The following AK8 variants were observed in gnomAD, a reference collection of about 807,000 sequenced individuals.
AK8 encodes the protein ATP-AMP transphosphorylase 8.
AK8 carries 44 observed loss-of-function variants against 54.6 expected under a neutral mutation model. That is an observed-to-expected ratio of 0.81 (90% confidence interval 0.63 to 1.04). The LOEUF (loss-of-function observed/expected upper bound fraction) is 1.04, where lower values mean the gene tolerates loss of function less well. Ranked by LOEUF, AK8 falls within the 50% of genes least tolerant of loss-of-function variation. AK8 has a pLI of 0.00. For synonymous variants in AK8, 239 were observed against 245.6 expected (o/e 0.97, Z 0.25); for missense variants, 555 against 613.6 (o/e 0.90, Z 1.01).
intron 11 of AK8, among the ~76,000 whole-genome samples, chr9:132,771,776 C>T (rs1365377079): frequency 2.6e-5 from 4 of 151,942 alleles, no homozygotes; most frequent in Non-Finnish European, 4.4e-5. Context: ...TAGGACGGAG[C>T]TTCCTTTCAG....
intron 5 of AK8, among the ~76,000 whole-genome samples, chr9:132,829,531 T>C (rs768567670): frequency 3.4e-4 from 52 of 151,934 alleles, no homozygotes; most frequent in Non-Finnish European, 5.3e-4. Context: ...GAGACCAGGG[T>C]GAAAACAAAA....
At chr9:132,802,350 C>G (rs1316501134) in intron 10 of AK8, among the ~76,000 whole-genome samples, 2 of 152,222 alleles carry the variant, frequency 1.3e-5, no homozygotes, top group Non-Finnish European at 2.9e-5. Context: ...TCAATCCCCT[C>G]CCTGGAACCT....
chr9:132,814,423 C>T (rs423219), intron 10 of AK8, among the ~76,000 whole-genome samples: 1 of 151,842 alleles, frequency 6.6e-6, no homozygotes, highest in Non-Finnish European at 1.5e-5. Flanking sequence ...ATAACCCCCC[C>T]ACATCCACAA....
At position 132,750,243 on chromosome 9, in the gene AK8, C is replaced by G. The variant is rs554538855; in HGVS notation, c.1122-22709G>C. Among the ~76,000 whole-genome samples the G allele has an allele frequency of 2.0e-5, 3 of 151,934 alleles. No homozygotes were observed. In the South Asian group the frequency reaches 6.2e-4, roughly 32 times the overall value. On this transcript the variant is annotated intron_variant, in intron 11 of 12. Coordinates refer to ENST00000298545, the MANE Select transcript of AK8 (RefSeq NM_152572.3). ...AAGCGATTCTCCTGCCTCAGCCTCCCGAGTAGCTGGGATTACAGGCATGTG... is the reference window on the plus strand; with the variant it reads ...AAGCGATTCTCCTGCCTCAGCCTCCGGAGTAGCTGGGATTACAGGCATGTG...
chr9:132,782,257 T>C (rs944841637), intron 11 of AK8, among the ~76,000 whole-genome samples: 9 of 152,294 alleles, frequency 5.9e-5, no homozygotes, highest in East Asian at 1.9e-4. Context: ...ACAGTCATTT[T>C]TCCCCCCAGG....
At chr9:132,821,339 T>C (rs1014503671) in intron 9 of AK8, among the ~76,000 whole-genome samples, 3 of 152,114 alleles carry the variant, frequency 2.0e-5, no homozygotes, top group East Asian at 1.9e-4. Flanking sequence ...CCGCCACAGG[T>C]AGACTGCTGG....
At chr9:132,774,423 GGAA>G (rs1266563919) in intron 11 of AK8, among the ~76,000 whole-genome samples, 1 of 152,242 alleles carries the variant, frequency 6.6e-6, no homozygotes, top group South Asian at 2.1e-4. Flanking sequence ...GTGATATTTA[GGAA>G]GAAGAGCTTC....
At chr9:132,744,417 C>CAA (rs35007270) in intron 11 of AK8, among the ~76,000 whole-genome samples, 39 of 117,952 alleles carry the variant, frequency 3.3e-4, no homozygotes, top group African/African-American at 1.1e-3. Context: ...AGACACGTGC[C>CAA]AAAAAAAAAA....
intron 11 of AK8, among the ~76,000 whole-genome samples, chr9:132,730,248 G>C (rs1337984154): frequency 2.0e-5 from 3 of 152,128 alleles, no homozygotes; most frequent in Admixed American, 2.0e-4. Context: ...AAGAGGCCGC[G>C]CTTTGGTAGG....
intron 5 of AK8, among the ~76,000 whole-genome samples, chr9:132,844,535 T>C (rs1842673601): frequency 6.6e-6 from 1 of 152,218 alleles, no homozygotes; most frequent in Non-Finnish European, 1.5e-5. Flanking sequence ...TTATTTTGGA[T>C]GAGGGTTTGT....
chr9:132,842,219 C>A (rs534049881), intron 5 of AK8, among the ~76,000 whole-genome samples: 1 of 152,152 alleles, frequency 6.6e-6, no homozygotes, highest in Non-Finnish European at 1.5e-5. Flanking sequence ...ATTTTAAACA[C>A]CTTTGCCTCC....
intron 10 of AK8, among the ~76,000 whole-genome samples, chr9:132,811,227 G>A (rs71503158): frequency 0.011 from 1,709 of 152,338 alleles, 9 homozygotes; most frequent in Non-Finnish European, 0.016. Context: ...CTGTGAATAT[G>A]TTCCCTGATA....
chr9:132,865,457 A>C (rs1189553360), intron 3 of AK8, among the ~76,000 whole-genome samples: 1 of 152,252 alleles, frequency 6.6e-6, no homozygotes, highest in Non-Finnish European at 1.5e-5. Flanking sequence ...ATGTTCACCA[A>C]TCAGGCTTTT....
At chr9:132,834,400 T>C (rs369437692) in intron 5 of AK8, among the ~76,000 whole-genome samples, 52 of 152,308 alleles carry the variant, frequency 3.4e-4, no homozygotes, top group African/African-American at 1.2e-3. Flanking sequence ...CACAGAACCC[T>C]AGGATGCCGT....
chr9:132,732,200 T>C (rs1284364129), intron 11 of AK8, among the ~76,000 whole-genome samples: 3 of 152,194 alleles, frequency 2.0e-5, no homozygotes, highest in Non-Finnish European at 2.9e-5. Context: ...ATTTAAATAA[T>C]TAAACAATGT....
intron 5 of AK8, among the ~76,000 whole-genome samples, chr9:132,834,268 T>C (rs1842228231): frequency 6.6e-6 from 1 of 152,216 alleles, no homozygotes; most frequent in African/African-American, 2.4e-5. Flanking sequence ...GACAGTGATA[T>C]GTTCTAAAGC....
chr9:132,804,012 A>G (rs554328162), intron 10 of AK8, among the ~76,000 whole-genome samples: 1 of 150,844 alleles, frequency 6.6e-6, no homozygotes, highest in South Asian at 2.1e-4. Flanking sequence ...AGGTTGAGGC[A>G]GGAGAATCGC....
chr9:132,799,168 G>A lies in AK8; in HGVS notation c.980-6393C>T, dbSNP rs1305744480. On this transcript the variant is annotated intron_variant, in intron 10 of 12. Coordinates refer to ENST00000298545, the MANE Select transcript of AK8 (RefSeq NM_152572.3). The surrounding 1 kb of genome is among the most constrained non-coding windows in gnomAD (Gnocchi z 5.0). ...CCAGAGGCCCCTCCTGCTGCGCCAC[G>A]CCGCCGCCTGCTGTCCGCACCGCAG... 1.3e-5 allele frequency among the ~76,000 whole-genome samples: 2 copies of A among 152,126 alleles called. No homozygotes were observed. Among genetic ancestry groups the A allele is most frequent in the Non-Finnish European group, 2.9e-5 (2 of 68,026 alleles).
At chr9:132,845,548 G>A (rs1842716690) in intron 5 of AK8, among the ~76,000 whole-genome samples, 1 of 152,144 alleles carries the variant, frequency 6.6e-6, no homozygotes, top group Non-Finnish European at 1.5e-5. Flanking sequence ...CCAGCACTTT[G>A]GGAGGCCCAG....
Sources: allele counts gnomAD v4.1 joint callset (sites outside exome capture counted in the v4.1 genomes callset), GRCh38; gene constraint gnomAD v4.1.1; non-coding constraint Gnocchi (gnomAD v3.1); transcripts MANE v1.5; gene names NCBI Gene and HGNC (gene_info 2026-07-23, HGNC 2026-07-21).